UGT8: variants seen among roughly 807,000 people sequenced by gnomAD.
The protein encoded by UGT8 is 2-hydroxyacylsphingosine 1-beta-galactosyltransferase.
Under a neutral mutation model 40.5 loss-of-function variants are expected in UGT8, and 12 were observed. The observed-to-expected ratio is 0.30, with a 90% CI of 0.19 to 0.48. The LOEUF is 0.48. Among genes scored for constraint, UGT8 ranks in the 20% least tolerant of loss-of-function variants. UGT8 has a pLI of 0.99. For missense variants in UGT8, 513 were observed against 648.7 expected (o/e 0.79, Z 2.27); for synonymous variants, 224 against 240.4 (o/e 0.93, Z 0.63).
chr4:114,669,363 A>G (rs1164056477), intron 5 of UGT8, among the ~76,000 whole-genome samples: 10 of 142,574 alleles, frequency 7.0e-5, no homozygotes, highest in Non-Finnish European at 1.5e-4. Flanking sequence ...TTTTCAAAAC[A>G]TGATGTTATT....
At chr4:114,640,175 C>T (rs942761274) in intron 2 of UGT8, among the ~76,000 whole-genome samples, 22 of 151,808 alleles carry the variant, frequency 1.4e-4, no homozygotes, top group Admixed American at 2.6e-4. Context: ...GGACTACAGG[C>T]GCCCGCCACC....
chr4:114,663,473 G>A (rs571317573), intron 2 of UGT8, among the ~76,000 whole-genome samples: 1 of 152,008 alleles, frequency 6.6e-6, no homozygotes, highest in Non-Finnish European at 1.5e-5. Flanking sequence ...TATTCAAAAG[G>A]ATGGCATCAT....
intron 2 of UGT8, among the ~76,000 whole-genome samples, chr4:114,626,602 G>A (rs752663943): frequency 1.3e-5 from 2 of 152,156 alleles, no homozygotes; most frequent in Non-Finnish European, 2.9e-5. Flanking sequence ...CTTTAAAGTA[G>A]GTAGAATAGA....
chr4:114,632,131 C>A (rs1732617765), intron 2 of UGT8, among the ~76,000 whole-genome samples: 1 of 152,174 alleles, frequency 6.6e-6, no homozygotes, highest in African/African-American at 2.4e-5. Context: ...GGTAAAGCAG[C>A]ATTTATTGCT....
At chr4:114,671,045 G>T (rs551432540) in intron 5 of UGT8, among the ~76,000 whole-genome samples, 2 of 152,214 alleles carry the variant, frequency 1.3e-5, no homozygotes, top group Admixed American at 1.3e-4. Context: ...AATCGTGAAT[G>T]AAGTCCCATT....
chr4:114,626,110 T>G (rs1348164369), intron 2 of UGT8, among the ~76,000 whole-genome samples: 1 of 152,166 alleles, frequency 6.6e-6, no homozygotes, highest in Non-Finnish European at 1.5e-5. Context: ...TTATTTATAG[T>G]TTTTGAGCAG....
intron 2 of UGT8, among the ~76,000 whole-genome samples, chr4:114,632,848 A>G (rs1168007192): frequency 6.6e-6 from 1 of 152,220 alleles, no homozygotes; most frequent in Non-Finnish European, 1.5e-5. Context: ...TGCAAAAGTC[A>G]ATACAGTTGC....
At chr4:114,606,634 T>G (rs1166208227) in intron 1 of UGT8, among the ~76,000 whole-genome samples, 1 of 152,158 alleles carries the variant, frequency 6.6e-6, no homozygotes, top group East Asian at 1.9e-4. Flanking sequence ...AATCACTGAC[T>G]GTTGGTTTTG....
chr4:114,667,435 C>G (rs906305967), intron 4 of UGT8, among the ~76,000 whole-genome samples: 2 of 152,086 alleles, frequency 1.3e-5, no homozygotes, highest in Non-Finnish European at 2.9e-5. Context: ...TTAATTTTGA[C>G]AAATTATCTT....
intron 4 of UGT8, among the ~76,000 whole-genome samples, chr4:114,666,613 C>G (rs1458605098): frequency 6.6e-6 from 1 of 152,078 alleles, no homozygotes; most frequent in East Asian, 1.9e-4. Flanking sequence ...AGGAAAGAAG[C>G]AGGAAGTTTA....
intron 5 of UGT8, among the ~76,000 whole-genome samples, chr4:114,669,704 T>C (rs747588863): frequency 9.2e-5 from 14 of 152,214 alleles, no homozygotes; most frequent in Admixed American, 4.6e-4. Flanking sequence ...TGAAGACATG[T>C]AAGTGCTTAA....
intron 2 of UGT8, among the ~76,000 whole-genome samples, chr4:114,625,683 G>A (rs774641408): frequency 1.6e-4 from 25 of 152,004 alleles, no homozygotes; most frequent in Non-Finnish European, 3.2e-4. Flanking sequence ...AAGATGCATA[G>A]CATGTGATAA....
chr4:114,605,286 G>A (rs1730671567), intron 1 of UGT8, among the ~76,000 whole-genome samples: 1 of 152,048 alleles, frequency 6.6e-6, no homozygotes, highest in South Asian at 2.1e-4. Flanking sequence ...ATGTATAGTA[G>A]GAACATTTCA....
chr4:114,647,255 T>C (rs1306201283), intron 2 of UGT8, among the ~76,000 whole-genome samples: 5 of 152,204 alleles, frequency 3.3e-5, no homozygotes, highest in Admixed American at 2.6e-4. Context: ...TTTTCTTTTA[T>C]GTCATTACTT....
chr4:114,640,919 C>A (rs1164361679), intron 2 of UGT8, among the ~76,000 whole-genome samples: 1 of 152,100 alleles, frequency 6.6e-6, no homozygotes, highest in African/African-American at 2.4e-5. Context: ...CAAACCATAT[C>A]AGGATCTATC....
At chr4:114,640,117 G>C (rs556052972) in intron 2 of UGT8, among the ~76,000 whole-genome samples, 2 of 147,242 alleles carry the variant, frequency 1.4e-5, no homozygotes, top group African/African-American at 2.5e-5. Flanking sequence ...TGCAAGCTCC[G>C]CCTCCCGGGT....
intron 2 of UGT8, among the ~76,000 whole-genome samples, chr4:114,655,910 C>T (rs184772007): frequency 7.2e-5 from 11 of 152,094 alleles, no homozygotes; most frequent in African/African-American, 2.7e-4. Context: ...CTCAGTGTTT[C>T]TTAGATTCTC....
intron 1 of UGT8, among the ~76,000 whole-genome samples, chr4:114,615,824 A>T (rs1327446834): frequency 6.6e-6 from 1 of 152,136 alleles, no homozygotes; most frequent in Non-Finnish European, 1.5e-5. Context: ...GTAGAGAAAA[A>T]TTGTCTTTCG....
At chr4:114,656,748 C>T (rs533398007) in intron 2 of UGT8, 3 of 510,216 alleles carry the variant, frequency 5.9e-6, no homozygotes, top group Non-Finnish European at 1.2e-5. Context: ...GCACCCAAGG[C>T]AGGCTGTATT....
Sources: gnomAD v4.1 joint callset for allele counts (sites outside exome capture counted in the v4.1 genomes callset) on GRCh38, gnomAD v4.1.1 for gene constraint, MANE v1.5 for transcripts, NCBI Gene and HGNC (gene_info 2026-07-23, HGNC 2026-07-21) for gene names.